CCDC178: variants seen among roughly 807,000 people sequenced by gnomAD.
CCDC178 encodes the protein coiled-coil domain containing 178.
CCDC178 carries 126 observed loss-of-function variants against 117.4 expected under a neutral mutation model. That is an observed-to-expected ratio of 1.07 (90% CI 0.93 to 1.24). The LOEUF (loss-of-function observed/expected upper bound fraction) is 1.24. CCDC178 is among the 50% of genes most tolerant of loss of function. The probability of loss-of-function intolerance (pLI) is 0.00; values close to 1 mark genes in which losing one functional copy is unlikely to be tolerated. For missense variants in CCDC178, 1,030 were observed against 986.9 expected (o/e 1.04, Z -0.59); for synonymous variants, 283 against 313.4 (o/e 0.90, Z 1.02).
chr18:32,966,110 T>C (rs912878878), intron 22 of CCDC178, among the ~76,000 whole-genome samples: 1 of 151,684 alleles, frequency 6.6e-6, no homozygotes, highest in African/African-American at 2.4e-5. Context: ...CTATAATGTA[T>C]ATAAATATAC....
At chr18:33,013,514 G>A (rs2055916129) in intron 21 of CCDC178, among the ~76,000 whole-genome samples, 1 of 152,080 alleles carries the variant, frequency 6.6e-6, no homozygotes, top group Non-Finnish European at 1.5e-5. Flanking sequence ...ATACTAAGAA[G>A]GCTATCTTGG....
intron 22 of CCDC178, among the ~76,000 whole-genome samples, chr18:32,948,610 T>G (rs1041187620): frequency 6.6e-6 from 1 of 152,070 alleles, no homozygotes; most frequent in Non-Finnish European, 1.5e-5. Context: ...TTTTACTTCT[T>G]TGCAATCTGA....
chr18:33,164,827 C>A (rs2058509563), intron 20 of CCDC178, among the ~76,000 whole-genome samples: 1 of 151,986 alleles, frequency 6.6e-6, no homozygotes. Flanking sequence ...GATACTACAC[C>A]CCAACTCAGC....
intron 20 of CCDC178, among the ~76,000 whole-genome samples, chr18:33,137,127 A>C (rs982681215): frequency 6.6e-6 from 1 of 152,182 alleles, no homozygotes; most frequent in Non-Finnish European, 1.5e-5. Flanking sequence ...GGAAGTTTGA[A>C]ATATTCCTAC....
chr18:33,231,943 T>C (rs2059373228), intron 15 of CCDC178, among the ~76,000 whole-genome samples: 1 of 152,180 alleles, frequency 6.6e-6, no homozygotes, highest in South Asian at 2.1e-4. Context: ...CTGCCTACAT[T>C]TGCTATTCCT....
At position 33,267,353 on chromosome 18, in the gene CCDC178, A is replaced by G. The variant is rs1037708159; in HGVS notation, c.1177-56T>C. The G allele has an allele frequency of 7.2e-6, 7 of 977,956 alleles. No individual in the cohort carries two copies. In the African/African-American group the frequency reaches 8.3e-5, roughly 12 times the overall value. The allele number at this position is 977,956 out of a possible 1,614,324, so 60.6% of individuals were successfully genotyped here. A position where few individuals can be genotyped will look rare whatever the true frequency, so the allele number is the denominator to read the frequency against. On this transcript the variant is annotated intron_variant, in intron 12 of 22. Transcript: ENST00000383096. ...ATTGTATAGCTTTTCATCCTTCCAT[A>G]AGGTAAAAAATAAATTAATCATGAT...
chr18:32,944,636 T>C (rs992983501), intron 22 of CCDC178, among the ~76,000 whole-genome samples: 6 of 152,330 alleles, frequency 3.9e-5, no homozygotes, highest in African/African-American at 1.4e-4. Flanking sequence ...TTTATAGCTA[T>C]GTTGGGAAGT....
intron 6 of CCDC178, among the ~76,000 whole-genome samples, chr18:33,359,152 T>A (rs746149002): frequency 6.6e-6 from 1 of 151,790 alleles, no homozygotes; most frequent in Non-Finnish European, 1.5e-5. Flanking sequence ...TTCAATGAAT[T>A]GTGATATAAT....
intron 18 of CCDC178, among the ~76,000 whole-genome samples, chr18:33,220,086 A>C (rs984187561): frequency 1.3e-5 from 2 of 152,024 alleles, no homozygotes; most frequent in African/African-American, 4.8e-5. Context: ...TGCTGAATAC[A>C]TACTAACTTG....
chr18:33,052,708 T>C (rs2056765998), intron 21 of CCDC178, among the ~76,000 whole-genome samples: 1 of 152,166 alleles, frequency 6.6e-6, no homozygotes. Context: ...TTAGCCTGTG[T>C]GGTTTTGAAA....
At chr18:33,257,559 A>G (rs1023234039) in intron 14 of CCDC178, among the ~76,000 whole-genome samples, 2 of 152,116 alleles carry the variant, frequency 1.3e-5, no homozygotes, top group African/African-American at 4.8e-5. Context: ...CTTTCAATGC[A>G]TTGACCCCTG....
chr18:33,322,842 A>T (rs2062531427), intron 11 of CCDC178, among the ~76,000 whole-genome samples: 2 of 151,390 alleles, frequency 1.3e-5, no homozygotes, highest in African/African-American at 4.8e-5. Context: ...GCTTATATGT[A>T]TATGACTGTA....
chr18:33,012,269 A>C (rs991728209), intron 21 of CCDC178, among the ~76,000 whole-genome samples: 1 of 152,182 alleles, frequency 6.6e-6, no homozygotes, highest in Non-Finnish European at 1.5e-5. Context: ...GCATTGAAGA[A>C]GTGATCTGAA....
intron 11 of CCDC178, among the ~76,000 whole-genome samples, chr18:33,306,457 G>A (rs1345030776): frequency 1.4e-5 from 1 of 70,252 alleles, no homozygotes; most frequent in Non-Finnish European, 3.1e-5. Flanking sequence ...TGTACATATG[G>A]TTATATATAT....
chr18:33,042,733 T>G (rs954941116), intron 21 of CCDC178, among the ~76,000 whole-genome samples: 2 of 151,800 alleles, frequency 1.3e-5, no homozygotes, highest in Non-Finnish European at 2.9e-5. Context: ...AGTTGCAACT[T>G]ACTTTCAAAT....
intron 20 of CCDC178, among the ~76,000 whole-genome samples, chr18:33,183,721 C>T (rs184241167): frequency 1.3e-5 from 2 of 152,002 alleles, no homozygotes; most frequent in East Asian, 3.9e-4. Context: ...AGCTCTGCTC[C>T]CCCCACACAG....
chr18:33,167,969 A>T (rs530563293), intron 20 of CCDC178, among the ~76,000 whole-genome samples: 1 of 152,190 alleles, frequency 6.6e-6, no homozygotes, highest in East Asian at 1.9e-4. Flanking sequence ...TAAGTTCCTT[A>T]TAGGTTTTGG....
intron 10 of CCDC178, among the ~76,000 whole-genome samples, chr18:33,326,391 G>C (rs556256637): frequency 6.6e-6 from 1 of 152,262 alleles, no homozygotes; most frequent in African/African-American, 2.4e-5. Flanking sequence ...GCTCAAGAAA[G>C]GGAGGGCCAG....
chr18:33,364,628 A>G (rs1162321030), intron 6 of CCDC178, among the ~76,000 whole-genome samples: 2 of 151,754 alleles, frequency 1.3e-5, no homozygotes, highest in African/African-American at 4.8e-5. Flanking sequence ...CAATGCAGTG[A>G]GGGGAACAGC....
Sources: allele counts gnomAD v4.1 joint callset (sites outside exome capture counted in the v4.1 genomes callset), GRCh38; gene constraint gnomAD v4.1.1; transcripts MANE v1.5; gene names NCBI Gene and HGNC (gene_info 2026-07-23, HGNC 2026-07-21).